The following HCN1 variants were observed in gnomAD, a reference collection of about 807,000 sequenced individuals.
The protein encoded by HCN1 is hyperpolarization activated cyclic nucleotide gated potassium channel 1.
Under a neutral mutation model 78.9 loss-of-function variants are expected in HCN1, and 13 were observed. The observed-to-expected ratio is 0.16, with a 90% CI of 0.11 to 0.26. The LOEUF is 0.26. HCN1 is among the 10% of genes least tolerant of loss of function. The pLI is 1.00. For missense variants in HCN1, 810 were observed against 1,154.3 expected, an observed-to-expected ratio of 0.70 and a Z score of 4.32; for synonymous variants, 552 against 455.5, an observed-to-expected ratio of 1.21 and a Z score of -2.70.
intron 3 of HCN1, among the ~76,000 whole-genome samples, chr5:45,398,092 T>C (rs1739719827): frequency 6.6e-6 from 1 of 151,944 alleles, no homozygotes; most frequent in South Asian, 2.1e-4. Context: ...TCTGATAATT[T>C]ATTTAAAAAT....
intron 4 of HCN1, among the ~76,000 whole-genome samples, chr5:45,383,010 AG>A (rs1747839141): frequency 6.6e-6 from 1 of 152,148 alleles, no homozygotes; most frequent in Non-Finnish European, 1.5e-5. Context: ...ATCTCTATAT[AG>A]GAGGTTTGTC....
chr5:45,374,574 A>G lies in HCN1; in HGVS notation c.1231-21328T>C, dbSNP rs149475293. Among the ~76,000 whole-genome samples the G allele has an allele frequency of 3.0e-3, 448 of 150,318 alleles. 3 individuals carry two copies. Among genetic ancestry groups the G allele is most frequent in the African/African-American group, 8.4e-3 (346 of 41,238 alleles). On this transcript the variant is annotated intron_variant, in intron 4 of 7. Coordinates refer to ENST00000303230, the MANE Select transcript of HCN1 (RefSeq NM_021072.4). ...CAGCTGAACTCTACCACATTTATAA[A>G]GAAGTGCTGGTAGCATTTCTACTTA...
chr5:45,376,349 TAGAGAGAGAG>T (rs374514550), intron 4 of HCN1, among the ~76,000 whole-genome samples: 21 of 109,486 alleles, frequency 1.9e-4, no homozygotes, highest in Admixed American at 1.7e-3. Context: ...TATATATATA[TAGAGAGAGAG>T]AGAGAGAGAG....
chr5:45,354,583 C>G (rs1461603626), intron 4 of HCN1, among the ~76,000 whole-genome samples: 1 of 151,962 alleles, frequency 6.6e-6, no homozygotes, highest in Non-Finnish European at 1.5e-5. Flanking sequence ...AACAGCAACC[C>G]ATTTTATTGC....
At chr5:45,562,578 A>T (rs1743627289) in intron 2 of HCN1, among the ~76,000 whole-genome samples, 1 of 152,196 alleles carries the variant, frequency 6.6e-6, no homozygotes, top group South Asian at 2.1e-4. Flanking sequence ...AGAAAGACAC[A>T]TATACAAACA....
At chr5:45,476,161 C>A (rs1741509887) in intron 2 of HCN1, among the ~76,000 whole-genome samples, 1 of 152,102 alleles carries the variant, frequency 6.6e-6, no homozygotes, top group Non-Finnish European at 1.5e-5. Context: ...AATCCTAAAA[C>A]CCTCTCTCTT....
At chr5:45,521,248 TCTC>T (rs991849473) in intron 2 of HCN1, among the ~76,000 whole-genome samples, 1 of 151,768 alleles carries the variant, frequency 6.6e-6, no homozygotes, top group Non-Finnish European at 1.5e-5. Context: ...CTTGCAACCT[TCTC>T]TTCTTCTAGC....
At chr5:45,270,586 C>T (rs185835937) in intron 6 of HCN1, among the ~76,000 whole-genome samples, 264 of 152,224 alleles carry the variant, frequency 1.7e-3, no homozygotes, top group Non-Finnish European at 2.9e-3. Context: ...AATACAAATT[C>T]ATGCATCAGG....
At chr5:45,670,758 G>A (rs1746135250) in intron 1 of HCN1, among the ~76,000 whole-genome samples, 1 of 151,520 alleles carries the variant, frequency 6.6e-6, no homozygotes, top group South Asian at 2.1e-4. Flanking sequence ...TTCTTTCAAT[G>A]CATATTTTTC....
intron 6 of HCN1, among the ~76,000 whole-genome samples, chr5:45,274,521 G>C (rs1194799180): frequency 1.3e-5 from 2 of 152,160 alleles, no homozygotes; most frequent in African/African-American, 4.8e-5. Flanking sequence ...CCTATAAAGA[G>C]TGCCACCACA....
chr5:45,529,363 C>T (rs1742795726), intron 2 of HCN1, among the ~76,000 whole-genome samples: 1 of 151,348 alleles, frequency 6.6e-6, no homozygotes, highest in African/African-American at 2.4e-5. Context: ...CAGGTAAAGC[C>T]CAATTTTCAT....
At chr5:45,372,340 CAT>C (rs1267519068) in intron 4 of HCN1, among the ~76,000 whole-genome samples, 3 of 90,348 alleles carry the variant, frequency 3.3e-5, no homozygotes, top group African/African-American at 4.7e-5. Flanking sequence ...TAATATATAT[CAT>C]ATATATTTTA....
At position 45,344,389 on chromosome 5, in the gene HCN1, A is replaced by T. The variant is rs138507832; in HGVS notation, c.1377+8711T>A. Among the ~76,000 whole-genome samples, 98 of 152,192 alleles carry T rather than the reference A, an allele frequency of 6.4e-4. 1 individual carries two copies. In the East Asian group the frequency reaches 0.011, roughly 17 times the overall value. On this transcript the variant is annotated intron_variant, in intron 5 of 7. Coordinates refer to ENST00000303230, the MANE Select transcript of HCN1 (RefSeq NM_021072.4). ...TCTCATGTCCTCACATTTCCAAACCAATAATTCCTTCCCAACAGTCCCCCA... is the reference window on the plus strand; with the variant it reads ...TCTCATGTCCTCACATTTCCAAACCTATAATTCCTTCCCAACAGTCCCCCA...
chr5:45,340,938 A>G lies in HCN1; in HGVS notation c.1377+12162T>C, dbSNP rs562110671. Among the ~76,000 whole-genome samples the G allele has an allele frequency of 2.4e-4, 37 of 152,324 alleles. No homozygotes were observed. The South Asian group carries it at 7.5e-3, about 31-fold the overall frequency. ...TGAGCTATCCATCTATAAACTGCTA[A>G]TTCATTTGGGGCATCATTTCCATAA... On this transcript the variant is annotated intron_variant, in intron 5 of 7. Coordinates refer to ENST00000303230, the MANE Select transcript of HCN1 (RefSeq NM_021072.4).
At chr5:45,632,641 A>T (rs770969125) in intron 2 of HCN1, among the ~76,000 whole-genome samples, 7 of 152,022 alleles carry the variant, frequency 4.6e-5, no homozygotes, top group Non-Finnish European at 7.4e-5. Flanking sequence ...TCTCCCCCAA[A>T]CAAGAGTAAC....
chr5:45,497,693 TAC>T (rs1174161416), intron 2 of HCN1, among the ~76,000 whole-genome samples: 2 of 152,110 alleles, frequency 1.3e-5, no homozygotes, highest in East Asian at 3.9e-4. Context: ...GAGCATTTAG[TAC>T]ATTTACATGA....
At position 45,503,176 on chromosome 5, in the gene HCN1, G is replaced by A. The variant is rs138485322; in HGVS notation, c.850-41169C>T. On this transcript the variant is annotated intron_variant, in intron 2 of 7. Transcript: ENST00000303230. Reference sequence around the variant, plus strand: ...TTTAATAAAATAATAAATGTTGGTCGTGGCTGCAAACATCACAGATAGGGC... The same window carrying A: ...TTTAATAAAATAATAAATGTTGGTCATGGCTGCAAACATCACAGATAGGGC... 5.1e-3 allele frequency among the ~76,000 whole-genome samples: 781 copies of A among 152,200 alleles called. 4 individuals are homozygous for A. Among genetic ancestry groups the A allele is most frequent in the African/African-American group, 0.018 (738 of 41,528 alleles).
intron 3 of HCN1, among the ~76,000 whole-genome samples, chr5:45,418,475 A>G (rs1740162315): frequency 6.6e-6 from 1 of 150,674 alleles, no homozygotes; most frequent in Non-Finnish European, 1.5e-5. Context: ...TGCTGATAGC[A>G]TTAATGGACT....
At position 45,492,511 on chromosome 5, in the gene HCN1, G is replaced by GTT. The variant is rs1161210401; in HGVS notation, c.850-30506_850-30505dup. ...TGAGACAGTGGCGTTACCAGCAACA[G>GTT]TTTTTTTGTTTTTTTTTTTTTTTTT... On this transcript the variant is annotated intron_variant, in intron 2 of 7. Transcript: ENST00000303230. Among the ~76,000 whole-genome samples, 124 of 99,300 alleles carry GTT rather than the reference G, an allele frequency of 1.2e-3. 1 individual carries two copies. The highest frequency in any genetic ancestry group is 1.6e-3 in the Non-Finnish European group (84 of 52,582). The allele number at this position is 99,300 out of a possible 152,430, so 65.1% of individuals were successfully genotyped here. A position where few individuals can be genotyped will look rare whatever the true frequency, so the allele number is the denominator to read the frequency against.
Sources: gnomAD v4.1 joint callset for allele counts (sites outside exome capture counted in the v4.1 genomes callset) on GRCh38, gnomAD v4.1.1 for gene constraint, MANE v1.5 for transcripts, NCBI Gene and HGNC (gene_info 2026-07-23, HGNC 2026-07-21) for gene names.